The following PTPRD variants were observed in gnomAD, a reference collection of about 807,000 sequenced individuals.
PTPRD encodes protein tyrosine phosphatase receptor type D.
Under a neutral mutation model 214.5 loss-of-function variants are expected in PTPRD, and 34 were observed. The ratio of observed to expected loss-of-function variants is 0.16; its 90% CI spans 0.12 to 0.21. PTPRD has a LOEUF of 0.21. PTPRD is among the 10% of genes least tolerant of loss of function. PTPRD has a pLI of 1.00. For missense variants in PTPRD, 2,545 were observed against 2,398.7 expected (o/e 1.06, Z -1.27); for synonymous variants, 1,128 against 845.7 (o/e 1.33, Z -5.79).
At chr9:9,767,326 G>C (rs559800190) in intron 5 of PTPRD, among the ~76,000 whole-genome samples, 1 of 151,956 alleles carries the variant, frequency 6.6e-6, no homozygotes, top group African/African-American at 2.4e-5. Context: ...AACAGAGATA[G>C]ACTTTTATAG....
intron 4 of PTPRD, among the ~76,000 whole-genome samples, chr9:10,014,059 A>T (rs78680563): frequency 0.027 from 4,115 of 152,086 alleles, 72 homozygotes; most frequent in Middle Eastern, 0.092. Flanking sequence ...TTCACATGTC[A>T]GCCCCTATCA....
Position 10,461,618 on chromosome 9 carries a change from A to G in PTPRD, c.-599-120601T>C, listed in dbSNP as rs369380188. Among the ~76,000 whole-genome samples, 12 of 149,172 alleles carry G rather than the reference A, an allele frequency of 8.0e-5. No homozygotes were observed. The South Asian group carries it at 2.3e-3, about 29-fold the overall frequency. ...TGTTGCATGATCTTCCTTGCATGAC[A>G]TTCTTTTTTTTTTTTTTTTTTTAAG... On this transcript the variant is annotated intron_variant, in intron 2 of 45. Transcript: ENST00000381196.
intron 12 of PTPRD, chr9:8,700,457 G>A (rs973315267): frequency 6.6e-6 from 1 of 152,134 alleles, no homozygotes; most frequent in African/African-American, 2.4e-5. Flanking sequence ...ATTCAATTAC[G>A]TGGTTCCACA....
At chr9:9,767,229 A>C (rs1034929332) in intron 5 of PTPRD, among the ~76,000 whole-genome samples, 18 of 152,220 alleles carry the variant, frequency 1.2e-4, no homozygotes, top group African/African-American at 4.3e-4. Context: ...TTAAATCAGA[A>C]AGATGAAGCA....
intron 9 of PTPRD, among the ~76,000 whole-genome samples, chr9:9,188,967 C>T (rs1194122305): frequency 6.6e-6 from 1 of 151,988 alleles, no homozygotes; most frequent in Non-Finnish European, 1.5e-5. Context: ...TTAAAGATGA[C>T]AAGGACCACA....
intron 4 of PTPRD, among the ~76,000 whole-genome samples, chr9:9,947,028 G>T (rs2092655509): frequency 6.6e-6 from 1 of 151,100 alleles, no homozygotes; most frequent in Admixed American, 6.6e-5. Flanking sequence ...AAATGCCTTA[G>T]AAAAATGAAG....
chr9:8,608,154 T>C (rs2095308305), intron 14 of PTPRD, among the ~76,000 whole-genome samples: 1 of 152,120 alleles, frequency 6.6e-6, no homozygotes, highest in Non-Finnish European at 1.5e-5. Context: ...CTGTATAGGA[T>C]ATATCTATAC....
intron 11 of PTPRD, among the ~76,000 whole-genome samples, chr9:8,749,135 T>C (rs2093242281): frequency 6.6e-6 from 1 of 152,140 alleles, no homozygotes; most frequent in African/African-American, 2.4e-5. Context: ...TCCTAGGCCA[T>C]ATAAATAATT....
chr9:8,344,239 T>G (rs1472667970), intron 39 of PTPRD, among the ~76,000 whole-genome samples: 1 of 152,098 alleles, frequency 6.6e-6, no homozygotes, highest in African/African-American at 2.4e-5. Context: ...TTCTTCCCAG[T>G]GGAAACCACA....
At chr9:8,577,292 T>C (rs923845449) in intron 14 of PTPRD, among the ~76,000 whole-genome samples, 4 of 152,174 alleles carry the variant, frequency 2.6e-5, no homozygotes, top group African/African-American at 9.7e-5. Context: ...TTCGCTCTTG[T>C]TGCCCAGGCT....
intron 5 of PTPRD, among the ~76,000 whole-genome samples, chr9:9,861,206 C>G (rs111321311): frequency 8.5e-4 from 130 of 152,154 alleles, no homozygotes; most frequent in African/African-American, 3.0e-3. Flanking sequence ...TTCTATTACC[C>G]CACTGAGATA....
intron 2 of PTPRD, among the ~76,000 whole-genome samples, chr9:10,346,273 T>C (rs1476513777): frequency 6.6e-6 from 1 of 152,168 alleles, no homozygotes; most frequent in Admixed American, 6.5e-5. Context: ...GCAAAATATA[T>C]GTCTTATTGA....
At chr9:9,226,551 TA>T (rs1159810386) in intron 9 of PTPRD, among the ~76,000 whole-genome samples, 5 of 151,816 alleles carry the variant, frequency 3.3e-5, no homozygotes, top group Non-Finnish European at 7.4e-5. Context: ...AAATGGAGGT[TA>T]AAAATATAAA....
At chr9:9,735,004 C>A (rs1348963364) in intron 6 of PTPRD, among the ~76,000 whole-genome samples, 1 of 152,092 alleles carries the variant, frequency 6.6e-6, no homozygotes, top group Admixed American at 6.6e-5. Flanking sequence ...CTGGCTATGA[C>A]AATAATTAGT....
intron 5 of PTPRD, among the ~76,000 whole-genome samples, chr9:9,786,658 C>T (rs34113765): frequency 0.12 from 17,913 of 151,934 alleles, 1,229 homozygotes; most frequent in East Asian, 0.26. Context: ...CTTGAGGAAT[C>T]GCCACACTAA....
chr9:9,526,841 A>ACTT (rs1475350319), intron 8 of PTPRD, among the ~76,000 whole-genome samples: 10 of 152,184 alleles, frequency 6.6e-5, no homozygotes, highest in Admixed American at 4.6e-4. Context: ...AGTTTAACTT[A>ACTT]TAATGCTTTA....
chr9:8,485,223 T>C lies in PTPRD; in HGVS notation c.3153+4A>G. 6.2e-7 allele frequency: 1 copy of C among 1,611,372 alleles called. No individual in the cohort carries two copies. The highest frequency in any genetic ancestry group is 8.5e-7 in the Non-Finnish European group (1 of 1,177,734). The stretch of plus-strand genomic sequence containing the variant: ...GATTTCTTACAAATTAGAAAACAAC[T>C]TACTTTGAAAGGCATGGCGGAGTTA... On this transcript the variant is annotated splice_donor_region_variant and intron_variant, in intron 29 of 45. Coordinates refer to ENST00000381196, the MANE Select transcript of PTPRD (RefSeq NM_002839.4).
intron 2 of PTPRD, among the ~76,000 whole-genome samples, chr9:10,460,726 CA>C (rs1360561657): frequency 6.6e-6 from 1 of 151,996 alleles, no homozygotes; most frequent in African/African-American, 2.4e-5. Context: ...TTACACCATA[CA>C]CAAAAATCAA....
In PTPRD at chr9:9,384,470, T is replaced by A. The variant is rs563089715; in HGVS notation, c.-203+12979A>T. 6.4e-4 allele frequency among the ~76,000 whole-genome samples: 96 copies of A among 149,898 alleles called. No homozygotes were observed. In the South Asian group the frequency reaches 0.02, roughly 31 times the overall value. On this transcript the variant is annotated intron_variant, in intron 9 of 45. Transcript: ENST00000381196. Reference sequence around the variant, plus strand: ...AATCTAACACTAATCACCTGGTATGTTGAGGTCGAGTTTTTGAGCTCTTGC... The same window carrying A: ...AATCTAACACTAATCACCTGGTATGATGAGGTCGAGTTTTTGAGCTCTTGC...
Sources: gnomAD v4.1 joint callset for allele counts (sites outside exome capture counted in the v4.1 genomes callset) on GRCh38, gnomAD v4.1.1 for gene constraint, MANE v1.5 for transcripts, NCBI Gene and HGNC (gene_info 2026-07-23, HGNC 2026-07-21) for gene names.